The following R3HDM1 variants were observed in gnomAD, a reference collection of about 807,000 sequenced individuals.
R3HDM1 encodes R3H domain containing 1.
In R3HDM1, 46 loss-of-function variants were observed where a neutral mutation model predicts 141.1. That is an observed-to-expected ratio of 0.33 (90% confidence interval 0.26 to 0.42). The LOEUF is 0.42. Among genes scored for constraint, R3HDM1 ranks in the 10% least tolerant of loss-of-function variants. The pLI is 1.00. For synonymous variants in R3HDM1, 435 were observed against 472.9 expected (o/e 0.92, Z 1.04); for missense variants, 1,184 against 1,368.3 (o/e 0.87, Z 2.12).
chr2:135,704,477 CTT>C lies in R3HDM1; in HGVS notation c.2460-4942_2460-4941del, dbSNP rs35704564. Among the ~76,000 whole-genome samples, 472 of 131,328 alleles carry C rather than the reference CTT, an allele frequency of 3.6e-3. 1 individual carries two copies. The highest frequency in any genetic ancestry group is 4.0e-3 in the Middle Eastern group (1 of 248). 86.2% of individuals were successfully genotyped at this position (131,328 alleles called of 152,430 possible). ...TTTATAATTACAAAATGCATGCATGCTTTTTTTTTTTTTTTGAGACAGAGTCT... is the reference window on the plus strand; with the variant it reads ...TTTATAATTACAAAATGCATGCATGCTTTTTTTTTTTTTGAGACAGAGTCT... On this transcript the variant is annotated intron_variant, in intron 21 of 26. Coordinates refer to ENST00000683871, the MANE Select transcript of R3HDM1 (RefSeq NM_001378107.1).
chr2:135,539,142 G>C (rs1696898259), intron 1 of R3HDM1, among the ~76,000 whole-genome samples: 1 of 151,912 alleles, frequency 6.6e-6, no homozygotes, highest in Non-Finnish European at 1.5e-5. Flanking sequence ...CCTCTTCAAG[G>C]ACCTCCCTGA....
intron 21 of R3HDM1, among the ~76,000 whole-genome samples, chr2:135,700,653 A>G (rs1308991714): frequency 2.0e-5 from 3 of 152,224 alleles, no homozygotes; most frequent in Non-Finnish European, 2.9e-5. Context: ...TTTCAAATGA[A>G]TCAATTATTG....
intron 19 of R3HDM1, chr2:135,670,476 TG>T: frequency 1.2e-6 from 1 of 861,250 alleles, no homozygotes; most frequent in Non-Finnish European, 1.4e-6. Flanking sequence ...TCCCATACAT[TG>T]TACAATTTCT....
At chr2:135,582,205 C>T (rs1450193862) in intron 1 of R3HDM1, among the ~76,000 whole-genome samples, 1 of 152,152 alleles carries the variant, frequency 6.6e-6, no homozygotes, top group Non-Finnish European at 1.5e-5. Context: ...TGGCGCACAC[C>T]TGTAATCCCA....
chr2:135,620,236 G>A, intron 5 of R3HDM1: 2 of 924,006 alleles, frequency 2.2e-6, no homozygotes, highest in Non-Finnish European at 2.6e-6. Context: ...TTCCTCTTGA[G>A]TAACCAGAAT....
chr2:135,648,034 C>T (rs2064671430), intron 16 of R3HDM1, among the ~76,000 whole-genome samples: 1 of 152,168 alleles, frequency 6.6e-6, no homozygotes. Context: ...CATAGGAGAT[C>T]AAGTCATCTG....
intron 1 of R3HDM1, among the ~76,000 whole-genome samples, chr2:135,547,920 C>T (rs1004047189): frequency 4.6e-5 from 7 of 151,734 alleles, no homozygotes; most frequent in Admixed American, 2.0e-4. Flanking sequence ...ACTACAGGCG[C>T]GTGCCACCAC....
chr2:135,583,561 T>C (rs79111027), intron 1 of R3HDM1, among the ~76,000 whole-genome samples: 2,230 of 152,334 alleles, frequency 0.015, 34 homozygotes, highest in Non-Finnish European at 0.019. Context: ...TTATTTATGA[T>C]CCTTGCCAGA....
At chr2:135,701,486 T>C (rs761739479) in intron 21 of R3HDM1, among the ~76,000 whole-genome samples, 1 of 152,122 alleles carries the variant, frequency 6.6e-6, no homozygotes, top group Non-Finnish European at 1.5e-5. Flanking sequence ...GAAATGCATA[T>C]GTGATGAGAT....
chr2:135,689,394 A>G lies in R3HDM1; in HGVS notation c.2459+9070A>G, dbSNP rs1445048701. The stretch of plus-strand genomic sequence containing the variant: ...ATCTTAGATGGAAAGTGTATCTTAA[A>G]CTCTAGGTTACAGGGTCTTGATCCA... On this transcript the variant is annotated intron_variant, in intron 21 of 26. Coordinates refer to ENST00000683871, the MANE Select transcript of R3HDM1 (RefSeq NM_001378107.1). 1.3e-5 allele frequency among the ~76,000 whole-genome samples: 2 copies of G among 151,884 alleles called. 1 individual carries two copies. Among genetic ancestry groups the G allele is most frequent in the Middle Eastern group, 6.3e-3 (2 of 316 alleles).
At chr2:135,645,331 T>G in intron 15 of R3HDM1, 48 bp from the exon 16 acceptor site, 1 of 1,495,312 alleles carries the variant, frequency 6.7e-7, no homozygotes, top group Non-Finnish European at 9.2e-7. Context: ...GGACCTATTT[T>G]CCACCTGTAT....
chr2:135,535,541 AATAT>A lies in R3HDM1; in HGVS notation c.-250+3909_-250+3912del, dbSNP rs1411205812. ...AAATAAATAAATAAATAAATAAATA[AATAT>A]GAGATGGCTGTTGTGAAGAGAAGGA... On this transcript the variant is annotated intron_variant, in intron 1 of 26. Coordinates refer to ENST00000683871, the MANE Select transcript of R3HDM1 (RefSeq NM_001378107.1). 4.2e-3 allele frequency among the ~76,000 whole-genome samples: 575 copies of A among 135,568 alleles called. 8 individuals carry two copies. The highest frequency in any genetic ancestry group is 0.018 in the African/African-American group (533 of 29,280). 88.9% of individuals were successfully genotyped at this position (135,568 alleles called of 152,430 possible).
At chr2:135,671,187 A>G (rs2068277740) in intron 19 of R3HDM1, among the ~76,000 whole-genome samples, 1 of 150,804 alleles carries the variant, frequency 6.6e-6, no homozygotes, top group Non-Finnish European at 1.5e-5. Flanking sequence ...AAGCACTTTG[A>G]GGCTAACTAT....
chr2:135,588,355 C>G (rs1454668673), intron 1 of R3HDM1, among the ~76,000 whole-genome samples: 1 of 151,982 alleles, frequency 6.6e-6, no homozygotes, highest in Non-Finnish European at 1.5e-5. Flanking sequence ...TGCCTCCGTC[C>G]TTCCCTCTCT....
intron 21 of R3HDM1, among the ~76,000 whole-genome samples, chr2:135,696,721 G>GC (rs2105394584): frequency 6.6e-6 from 1 of 152,218 alleles, no homozygotes; most frequent in South Asian, 2.1e-4. Flanking sequence ...GAACTTTTGG[G>GC]CTCAAGCAAT....
chr2:135,589,168 G>A (rs1420921798), intron 1 of R3HDM1, among the ~76,000 whole-genome samples: 1 of 152,144 alleles, frequency 6.6e-6, no homozygotes, highest in Admixed American at 6.6e-5. Context: ...ATTAATAGCA[G>A]TATGGCTTTG....
In R3HDM1 at chr2:135,641,499, T is replaced by C. The variant is rs376684481; in HGVS notation, c.1220-37T>C. The C allele has an allele frequency of 5.1e-5, 80 of 1,561,488 alleles. No individual in the cohort carries two copies. In the African/African-American group the frequency reaches 1.0e-3, roughly 20 times the overall value. ...AAAAACCTGTGTTTTTTATATGAGG[T>C]TTAAAAAATCCATATTTTTCATTAC... On this transcript the variant is annotated intron_variant, in intron 14 of 26. Coordinates refer to ENST00000683871, the MANE Select transcript of R3HDM1 (RefSeq NM_001378107.1).
intron 20 of R3HDM1, among the ~76,000 whole-genome samples, chr2:135,675,896 A>C (rs1370893979): frequency 1.3e-5 from 2 of 152,212 alleles, no homozygotes; most frequent in African/African-American, 4.8e-5. Flanking sequence ...TAGATATTTG[A>C]AATAGTGAGA....
At chr2:135,567,885 G>A (rs569643279) in intron 1 of R3HDM1, among the ~76,000 whole-genome samples, 4 of 146,356 alleles carry the variant, frequency 2.7e-5, no homozygotes, top group South Asian at 2.2e-4. Context: ...GACTGCAGGC[G>A]TGCATCACCA....
Sources: gnomAD v4.1 joint callset for allele counts (sites outside exome capture counted in the v4.1 genomes callset) on GRCh38, gnomAD v4.1.1 for gene constraint, MANE v1.5 for transcripts, NCBI Gene and HGNC (gene_info 2026-07-23, HGNC 2026-07-21) for gene names.